SPAG16: variants seen among roughly 807,000 people sequenced by gnomAD.
SPAG16 encodes the protein sperm associated antigen 16, also known as sperm-associated antigen 16 protein.
Under a neutral mutation model 80.4 loss-of-function variants are expected in SPAG16, and 86 were observed. The observed-to-expected ratio is 1.07, with a 90% CI of 0.90 to 1.28. The LOEUF (loss-of-function observed/expected upper bound fraction) is 1.28, where lower values mean the gene tolerates loss of function less well. Ranked by LOEUF, SPAG16 falls within the 50% of genes most tolerant of loss-of-function variation. SPAG16 has a pLI of 0.00. For missense variants in SPAG16, 870 were observed against 765.3 expected (o/e 1.14, Z -1.61); for synonymous variants, 294 against 265.9 (o/e 1.11, Z -1.03).
At chr2:214,059,202 A>ATATATATGTATGTG (rs1559745211) in intron 13 of SPAG16, among the ~76,000 whole-genome samples, 26 of 107,316 alleles carry the variant, frequency 2.4e-4, no homozygotes, top group African/African-American at 8.9e-4. Context: ...ATATATATAT[A>ATATATATGTATGTG]TATATATATA....
chr2:213,787,758 T>G (rs569059831), intron 10 of SPAG16, among the ~76,000 whole-genome samples: 23 of 152,074 alleles, frequency 1.5e-4, no homozygotes, highest in African/African-American at 5.1e-4. Context: ...TTATACATTG[T>G]TTTTAGGAGT....
chr2:213,618,634 T>C (rs1301194948), intron 10 of SPAG16, among the ~76,000 whole-genome samples: 2 of 152,168 alleles, frequency 1.3e-5, no homozygotes, highest in Admixed American at 6.5e-5. Flanking sequence ...TCATTTATCC[T>C]ATGCCTTAAA....
chr2:214,398,866 T>C (rs1701546673), intron 15 of SPAG16, among the ~76,000 whole-genome samples: 1 of 152,230 alleles, frequency 6.6e-6, no homozygotes, highest in Non-Finnish European at 1.5e-5. Context: ...AACTCTGTTA[T>C]CTTAATGGAG....
intron 11 of SPAG16, among the ~76,000 whole-genome samples, chr2:213,869,613 A>C (rs1359963080): frequency 1.3e-5 from 2 of 150,338 alleles, no homozygotes; most frequent in Admixed American, 1.3e-4. Flanking sequence ...GAAAGGGCTA[A>C]GCATTAAAAA....
At position 214,059,186 on chromosome 2, in the gene SPAG16, C is replaced by CTATATATATATATATATATATATATATA. The variant is rs36006046; in HGVS notation, c.1527+45111_1527+45138dup. 1.6e-4 allele frequency among the ~76,000 whole-genome samples: 18 copies of CTATATATATATATATATATATATATATA among 114,368 alleles called. 1 individual carries two copies. Among genetic ancestry groups the CTATATATATATATATATATATATATATA allele is most frequent in the African/African-American group, 6.0e-4 (17 of 28,556 alleles). 75.0% of individuals were successfully genotyped at this position (114,368 alleles called of 152,430 possible). A position where few individuals can be genotyped will look rare whatever the true frequency, so the allele number is the denominator to read the frequency against. On this transcript the variant is annotated intron_variant, in intron 13 of 15. Coordinates refer to ENST00000331683, the MANE Select transcript of SPAG16 (RefSeq NM_024532.5). ...AGCAAGACTCTGTCTCTCTCTCTGTCTATATATATATATATATATATATAT... is the reference window on the plus strand; with the variant it reads ...AGCAAGACTCTGTCTCTCTCTCTGTCTATATATATATATATATATATATATATATATATATATATATATATATATATAT...
intron 10 of SPAG16, among the ~76,000 whole-genome samples, chr2:213,738,204 T>C (rs1315546990): frequency 6.6e-6 from 1 of 152,232 alleles, no homozygotes; most frequent in Non-Finnish European, 1.5e-5. Context: ...TAGTTAAGTA[T>C]AGTAGTCCGT....
intron 15 of SPAG16, among the ~76,000 whole-genome samples, chr2:214,230,219 T>A (rs550112377): frequency 6.6e-6 from 1 of 152,100 alleles, no homozygotes; most frequent in South Asian, 2.1e-4. Context: ...TGATTCTAGA[T>A]AATATTTCTA....
At chr2:213,791,235 T>C (rs568985109) in intron 10 of SPAG16, among the ~76,000 whole-genome samples, 1 of 152,160 alleles carries the variant, frequency 6.6e-6, no homozygotes, top group East Asian at 1.9e-4. Context: ...TGTGTGTGGG[T>C]TTGTTTTTAA....
chr2:213,694,263 A>C (rs772475952), intron 10 of SPAG16, among the ~76,000 whole-genome samples: 31 of 152,120 alleles, frequency 2.0e-4, no homozygotes, highest in Non-Finnish European at 4.4e-4. Context: ...ACAAAATAGA[A>C]ACTTCAAACT....
At chr2:214,027,108 C>T (rs1397801709) in intron 13 of SPAG16, among the ~76,000 whole-genome samples, 1 of 151,308 alleles carries the variant, frequency 6.6e-6, no homozygotes, top group African/African-American at 2.4e-5. Context: ...AAAGAGTAGA[C>T]TTTAAAAGTA....
chr2:213,883,307 G>T (rs893393597), intron 11 of SPAG16, among the ~76,000 whole-genome samples: 1 of 152,132 alleles, frequency 6.6e-6, no homozygotes, highest in East Asian at 1.9e-4. Flanking sequence ...CCATATATTT[G>T]TGTAGTTTTA....
intron 11 of SPAG16, among the ~76,000 whole-genome samples, chr2:213,890,478 T>C (rs2076743780): frequency 6.6e-6 from 1 of 152,060 alleles, no homozygotes; most frequent in African/African-American, 2.4e-5. Flanking sequence ...AACTGAGAAG[T>C]CTCAAAAGTA....
At chr2:214,298,785 G>A (rs779828333) in intron 15 of SPAG16, among the ~76,000 whole-genome samples, 1 of 152,034 alleles carries the variant, frequency 6.6e-6, no homozygotes, top group Admixed American at 6.6e-5. Context: ...CAATCTTGAG[G>A]TGCAAGAATT....
intron 10 of SPAG16, among the ~76,000 whole-genome samples, chr2:213,862,125 G>T (rs543530826): frequency 6.6e-6 from 1 of 152,094 alleles, no homozygotes; most frequent in African/African-American, 2.4e-5. Flanking sequence ...CATGACCACT[G>T]GTCCAAATAT....
At chr2:213,920,532 G>T (rs1192486352) in intron 11 of SPAG16, among the ~76,000 whole-genome samples, 1 of 152,178 alleles carries the variant, frequency 6.6e-6, no homozygotes, top group African/African-American at 2.4e-5. Context: ...AGGCAGGCTG[G>T]TGTGTGGCCA....
chr2:213,432,824 C>T (rs140547245), intron 9 of SPAG16, among the ~76,000 whole-genome samples: 15 of 152,084 alleles, frequency 9.9e-5, no homozygotes, highest in African/African-American at 2.9e-4. Context: ...ACAAATATCC[C>T]GAGTGAACAA....
intron 13 of SPAG16, among the ~76,000 whole-genome samples, chr2:214,060,271 G>A (rs1483652381): frequency 6.6e-6 from 1 of 152,176 alleles, no homozygotes; most frequent in Non-Finnish European, 1.5e-5. Context: ...TCCAAAGAGA[G>A]TTGGGAGGAA....
intron 12 of SPAG16, among the ~76,000 whole-genome samples, chr2:213,993,559 A>G (rs1239679888): frequency 6.6e-6 from 1 of 152,216 alleles, no homozygotes; most frequent in Non-Finnish European, 1.5e-5. Flanking sequence ...AGGCCAAAAA[A>G]CAAGGGATAT....
At chr2:214,264,521 C>T (rs1486236930) in intron 15 of SPAG16, among the ~76,000 whole-genome samples, 1 of 152,056 alleles carries the variant, frequency 6.6e-6, no homozygotes, top group African/African-American at 2.4e-5. Context: ...AGGAAGTTTT[C>T]ATATACCCCC....
Sources: gnomAD v4.1 joint callset for allele counts (sites outside exome capture counted in the v4.1 genomes callset) on GRCh38, gnomAD v4.1.1 for gene constraint, MANE v1.5 for transcripts, NCBI Gene and HGNC (gene_info 2026-07-23, HGNC 2026-07-21) for gene names.